GRIN2A: variants seen among roughly 807,000 people sequenced by gnomAD.
GRIN2A encodes glutamate ionotropic receptor NMDA type subunit 2A.
GRIN2A carries 22 observed loss-of-function variants against 113.4 expected under a neutral mutation model. That is an observed-to-expected ratio of 0.19 (90% CI 0.14 to 0.28). GRIN2A has a LOEUF of 0.28. GRIN2A is among the 10% of genes least tolerant of loss of function. The pLI is 1.00. For missense variants in GRIN2A, 1,502 were observed against 1,887.0 expected (o/e 0.80, Z 3.78); for synonymous variants, 827 against 738.4 (o/e 1.12, Z -1.94).
rs115954321 is a variant in GRIN2A, at chr16:9,875,070, C to T, written c.1122+15916G>A. Reference sequence around the variant, plus strand: ...GGAGTGCAGCGGCATGAACATGGCTCGCTGTGGCCTTGACCTATGGGCTCA... The same window carrying T: ...GGAGTGCAGCGGCATGAACATGGCTTGCTGTGGCCTTGACCTATGGGCTCA... On this transcript the variant is annotated intron_variant, in intron 4 of 12. Coordinates refer to ENST00000330684, the MANE Select transcript of GRIN2A (RefSeq NM_001134407.3). Among the ~76,000 whole-genome samples the T allele has an allele frequency of 3.9e-3, 226 of 57,564 alleles. 3 individuals carry two copies. The highest frequency in any genetic ancestry group is 0.015 in the African/African-American group (212 of 14,392). 37.8% of individuals were successfully genotyped at this position (57,564 alleles called of 152,430 possible).
rs546480854 is a variant in GRIN2A, at chr16:9,980,422, G to A, written c.415-41871C>T. Among the ~76,000 whole-genome samples the A allele has an allele frequency of 3.6e-3, 543 of 152,186 alleles. 1 individual carries two copies. Among genetic ancestry groups the A allele is most frequent in the Middle Eastern group, 0.027 (8 of 294 alleles). On this transcript the variant is annotated intron_variant, in intron 2 of 12. Coordinates refer to ENST00000330684, the MANE Select transcript of GRIN2A (RefSeq NM_001134407.3). Reference sequence around the variant, plus strand: ...AACTAGTTCAACCATTGTGGAAGTCGGTGTGGCAATTCCTCAGGGATCTAC... The same window carrying A: ...AACTAGTTCAACCATTGTGGAAGTCAGTGTGGCAATTCCTCAGGGATCTAC...
intron 2 of GRIN2A, among the ~76,000 whole-genome samples, chr16:9,941,580 C>T (rs965164043): frequency 3.9e-5 from 6 of 152,216 alleles, no homozygotes; most frequent in Admixed American, 1.3e-4. Flanking sequence ...TGCTGATCCC[C>T]ATTCGCAGCC....
chr16:10,057,290 A>T (rs551003006), intron 2 of GRIN2A, among the ~76,000 whole-genome samples: 1 of 152,246 alleles, frequency 6.6e-6, no homozygotes, highest in South Asian at 2.1e-4. Flanking sequence ...AATCTAAGTA[A>T]ATACAATGGG....
chr16:9,991,083 A>G (rs2046104152), intron 2 of GRIN2A, among the ~76,000 whole-genome samples: 1 of 151,610 alleles, frequency 6.6e-6, no homozygotes. Flanking sequence ...AGAAAAAAAA[A>G]GAAATAACTT....
At chr16:9,846,301 G>A (rs956535742) in intron 5 of GRIN2A, among the ~76,000 whole-genome samples, 3 of 152,010 alleles carry the variant, frequency 2.0e-5, no homozygotes, top group African/African-American at 7.2e-5. Context: ...AGAAAGCAAG[G>A]GCCTTTTTAG....
chr16:9,945,931 C>T (rs1223733329), intron 2 of GRIN2A, among the ~76,000 whole-genome samples: 1 of 152,068 alleles, frequency 6.6e-6, no homozygotes, highest in Non-Finnish European at 1.5e-5. Flanking sequence ...AGACCTTGTC[C>T]CAGTTTACCA....
intron 2 of GRIN2A, among the ~76,000 whole-genome samples, chr16:10,162,940 G>A (rs552070040): frequency 6.6e-6 from 1 of 152,274 alleles, no homozygotes; most frequent in Non-Finnish European, 1.5e-5. Flanking sequence ...AGTAAACTAA[G>A]CACATGATCC....
At chr16:9,968,741 G>A (rs370853014) in intron 2 of GRIN2A, among the ~76,000 whole-genome samples, 274 of 152,126 alleles carry the variant, frequency 1.8e-3, no homozygotes, top group African/African-American at 6.4e-3. Flanking sequence ...CCAAGTAGCT[G>A]GGATTATAGG....
At chr16:9,839,071 A>G (rs180745583) in intron 7 of GRIN2A, among the ~76,000 whole-genome samples, 8 of 152,310 alleles carry the variant, frequency 5.3e-5, no homozygotes, top group Admixed American at 1.3e-4. Context: ...AAAATTATAC[A>G]TATTTTTCCC....
intron 2 of GRIN2A, among the ~76,000 whole-genome samples, chr16:10,135,377 T>A (rs2049170372): frequency 6.6e-6 from 1 of 152,230 alleles, no homozygotes; most frequent in African/African-American, 2.4e-5. Flanking sequence ...TTCTCTAACA[T>A]GTTTCTTACT....
At chr16:9,809,247 C>G (rs1309867993) in intron 10 of GRIN2A, among the ~76,000 whole-genome samples, 2 of 152,046 alleles carry the variant, frequency 1.3e-5, no homozygotes, top group African/African-American at 4.8e-5. Context: ...TGGTGAAACC[C>G]CATCTCTATT....
chr16:10,164,022 G>A (rs972091581), intron 2 of GRIN2A, among the ~76,000 whole-genome samples: 3 of 152,212 alleles, frequency 2.0e-5, no homozygotes, highest in Non-Finnish European at 2.9e-5. Context: ...CTTACCTTAA[G>A]TAAATAGCTT....
At chr16:9,887,011 C>T (rs2043598467) in intron 4 of GRIN2A, among the ~76,000 whole-genome samples, 1 of 152,100 alleles carries the variant, frequency 6.6e-6, no homozygotes. Flanking sequence ...CCTCAGCCTC[C>T]TGAGTAGCTG....
At chr16:10,028,964 C>G (rs1375024602) in intron 2 of GRIN2A, among the ~76,000 whole-genome samples, 1 of 152,174 alleles carries the variant, frequency 6.6e-6, no homozygotes, top group East Asian at 1.9e-4. Context: ...GTTATTATAG[C>G]TAATGTTAAT....
chr16:10,165,670 AAGAGG>A (rs1376339945), intron 2 of GRIN2A, among the ~76,000 whole-genome samples: 4 of 128,016 alleles, frequency 3.1e-5, no homozygotes, highest in African/African-American at 1.2e-4. Flanking sequence ...AGAGAGAGAG[AAGAGG>A]AGAGGGGAGG....
intron 2 of GRIN2A, among the ~76,000 whole-genome samples, chr16:9,948,025 G>A (rs903844952): frequency 5.3e-5 from 8 of 152,188 alleles, no homozygotes; most frequent in East Asian, 1.9e-4. Context: ...TTTTTTCCAC[G>A]TCTTCTAAAT....
At chr16:9,767,606 C>CA (rs1432552536) in intron 12 of GRIN2A, among the ~76,000 whole-genome samples, 6 of 150,078 alleles carry the variant, frequency 4.0e-5, no homozygotes, top group Admixed American at 1.3e-4. Context: ...ACAAACAAAA[C>CA]AAAAAAACAA....
intron 3 of GRIN2A, among the ~76,000 whole-genome samples, chr16:9,898,430 A>G (rs1446548440): frequency 6.6e-6 from 1 of 152,144 alleles, no homozygotes; most frequent in Non-Finnish European, 1.5e-5. Context: ...TTTCTATTTT[A>G]TCTCTTTCGT....
chr16:10,094,196 A>G (rs2048239911), intron 2 of GRIN2A, among the ~76,000 whole-genome samples: 1 of 152,172 alleles, frequency 6.6e-6, no homozygotes, highest in Non-Finnish European at 1.5e-5. Context: ...TAAATCTGTA[A>G]TGGAGTGAAT....
Sources: allele counts gnomAD v4.1 joint callset (sites outside exome capture counted in the v4.1 genomes callset), GRCh38; gene constraint gnomAD v4.1.1; transcripts MANE v1.5; gene names NCBI Gene and HGNC (gene_info 2026-07-23, HGNC 2026-07-21).